The following TAFA1 variants were observed in gnomAD, a reference collection of about 807,000 sequenced individuals.
TAFA1 encodes chemokine-like protein TAFA-1.
TAFA1 carries 4 observed loss-of-function variants against 18.5 expected under a neutral mutation model. The observed-to-expected ratio is 0.22, with a 90% CI of 0.11 to 0.49. The LOEUF is 0.49. Among genes scored for constraint, TAFA1 ranks in the 20% least tolerant of loss-of-function variants. The pLI, the probability that TAFA1 is intolerant of heterozygous loss-of-function variation, is 0.98. For synonymous variants in TAFA1, 56 were observed against 55.2 expected, an observed-to-expected ratio of 1.01 and a Z score of -0.06; for missense variants, 147 against 169.0, an observed-to-expected ratio of 0.87 and a Z score of 0.72.
intron 2 of TAFA1, among the ~76,000 whole-genome samples, chr3:68,381,885 C>T (rs2069966754): frequency 6.6e-6 from 1 of 152,174 alleles, no homozygotes; most frequent in Admixed American, 6.5e-5. Flanking sequence ...TTTGCCCATT[C>T]AGTATGATAT....
At chr3:68,004,229 G>A (rs572973181), upstream of TAFA1, 3 of 152,290 alleles carry the variant, frequency 2.0e-5, no homozygotes, top group South Asian at 2.1e-4. Context: ...ACTTTAGAGC[G>A]GAGGGATGTA....
intron 2 of TAFA1, among the ~76,000 whole-genome samples, chr3:68,328,804 G>C (rs2068815347): frequency 6.6e-6 from 1 of 151,998 alleles, no homozygotes; most frequent in Non-Finnish European, 1.5e-5. Flanking sequence ...AGCAGAAACA[G>C]ATGAACTTGA....
chr3:68,222,904 C>G (rs1029117334), intron 2 of TAFA1, among the ~76,000 whole-genome samples: 2 of 152,096 alleles, frequency 1.3e-5, no homozygotes, highest in African/African-American at 4.8e-5. Flanking sequence ...AACTCCTGAC[C>G]TCAAGCGATC....
intron 2 of TAFA1, among the ~76,000 whole-genome samples, chr3:68,266,677 G>A (rs547233810): frequency 6.6e-6 from 1 of 152,108 alleles, no homozygotes; most frequent in Non-Finnish European, 1.5e-5. Flanking sequence ...ACATAATAAA[G>A]GATCCGGGTG....
chr3:68,512,689 TTTG>T (rs977096578), intron 3 of TAFA1, among the ~76,000 whole-genome samples: 10 of 12,658 alleles, frequency 7.9e-4, no homozygotes, highest in Non-Finnish European at 1.5e-3. Flanking sequence ...TTTTTGTTTG[TTTG>T]TTTGTTTGTT....
chr3:68,501,230 T>A (rs2072653582), intron 3 of TAFA1, among the ~76,000 whole-genome samples: 1 of 151,098 alleles, frequency 6.6e-6, no homozygotes. Flanking sequence ...CAAACTTAGA[T>A]CTTTTTACTC....
At chr3:68,072,119 A>T (rs2064762487) in intron 2 of TAFA1, among the ~76,000 whole-genome samples, 1 of 152,188 alleles carries the variant, frequency 6.6e-6, no homozygotes, top group Admixed American at 6.5e-5. Context: ...CATTGTTAAG[A>T]GTGGTTTAAT....
chr3:68,527,259 G>C (rs1300119392), intron 3 of TAFA1, among the ~76,000 whole-genome samples: 1 of 152,106 alleles, frequency 6.6e-6, no homozygotes, highest in East Asian at 1.9e-4. Flanking sequence ...TGCAGCCTAA[G>C]ACAAAGAGTA....
intron 2 of TAFA1, among the ~76,000 whole-genome samples, chr3:68,081,710 C>T (rs1279994605): frequency 1.3e-5 from 2 of 152,180 alleles, no homozygotes; most frequent in Admixed American, 6.5e-5. Flanking sequence ...CCACTGCTCT[C>T]GTCAAAGCTG....
At chr3:68,085,354 G>T (rs900332359) in intron 2 of TAFA1, among the ~76,000 whole-genome samples, 11 of 152,148 alleles carry the variant, frequency 7.2e-5, no homozygotes, top group African/African-American at 2.7e-4. Context: ...AACATACAGA[G>T]TATGCAACAT....
intron 2 of TAFA1, among the ~76,000 whole-genome samples, chr3:68,098,702 G>A (rs184534320): frequency 5.3e-5 from 8 of 152,132 alleles, no homozygotes; most frequent in Non-Finnish European, 8.8e-5. Flanking sequence ...AATAGCCAAA[G>A]CAATCCTAAG....
intron 2 of TAFA1, among the ~76,000 whole-genome samples, chr3:68,259,097 A>G (rs2067356369): frequency 6.6e-6 from 1 of 152,168 alleles, no homozygotes; most frequent in Non-Finnish European, 1.5e-5. Context: ...TGGGGTGAGG[A>G]CTGACACTCT....
chr3:68,313,190 C>T (rs1252726753), intron 2 of TAFA1, among the ~76,000 whole-genome samples: 3 of 152,214 alleles, frequency 2.0e-5, no homozygotes, highest in Non-Finnish European at 4.4e-5. Context: ...AACCATATTT[C>T]TCATCATGTT....
intron 2 of TAFA1, among the ~76,000 whole-genome samples, chr3:68,035,313 C>T (rs902438616): frequency 3.3e-5 from 5 of 152,094 alleles, no homozygotes; most frequent in African/African-American, 4.8e-5. Context: ...TAGTCATATA[C>T]TCTGTCTTCT....
intron 2 of TAFA1, among the ~76,000 whole-genome samples, chr3:68,125,578 T>C (rs2065454396): frequency 6.6e-6 from 1 of 152,170 alleles, no homozygotes; most frequent in Non-Finnish European, 1.5e-5. Context: ...TTTGTCTTAT[T>C]AAGCTCACGT....
chr3:68,520,793 T>C (rs1270483416), intron 3 of TAFA1, among the ~76,000 whole-genome samples: 1 of 56,228 alleles, frequency 1.8e-5, no homozygotes, highest in Non-Finnish European at 3.7e-5. Context: ...ATTAGTCAAC[T>C]AAATTTTTAA....
At chr3:68,116,920 GGT>G (rs924545056) in intron 2 of TAFA1, among the ~76,000 whole-genome samples, 38 of 152,236 alleles carry the variant, frequency 2.5e-4, no homozygotes, top group African/African-American at 9.1e-4. Flanking sequence ...TTGAGTAGTT[GGT>G]GACAGAGACC....
chr3:68,380,866 T>A (rs1003901527), intron 2 of TAFA1, among the ~76,000 whole-genome samples: 4 of 149,690 alleles, frequency 2.7e-5, no homozygotes, highest in Non-Finnish European at 4.5e-5. Context: ...CTGAATGGTA[T>A]TGCCTAGGTT....
chr3:68,114,586 A>C (rs1468146023), intron 2 of TAFA1, among the ~76,000 whole-genome samples: 2 of 152,226 alleles, frequency 1.3e-5, no homozygotes, highest in African/African-American at 2.4e-5. Flanking sequence ...AGTGCTAAAA[A>C]CGATATGAGC....
Sources: allele counts gnomAD v4.1 joint callset (sites outside exome capture counted in the v4.1 genomes callset), GRCh38; gene constraint gnomAD v4.1.1; transcripts MANE v1.5; gene names NCBI Gene and HGNC (gene_info 2026-07-23, HGNC 2026-07-21).